Variants in LRP2 observed in about 807,000 individuals in gnomAD.
The protein encoded by LRP2 is low-density lipoprotein receptor-related protein 2.
LRP2 carries 172 observed loss-of-function variants against 531.0 expected under a neutral mutation model. The observed-to-expected ratio is 0.32, with a 90% CI of 0.29 to 0.37. The LOEUF is 0.37. Among genes scored for constraint, LRP2 ranks in the 10% least tolerant of loss-of-function variants. The pLI is 1.00. For synonymous variants in LRP2, 1,992 were observed against 2,027.6 expected, an observed-to-expected ratio of 0.98 and a Z score of 0.47; for missense variants, 5,167 against 5,868.3, an observed-to-expected ratio of 0.88 and a Z score of 3.90.
At chr2:169,136,516 T>A (rs1220628815) in intron 76 of LRP2, among the ~76,000 whole-genome samples, 1 of 152,124 alleles carries the variant, frequency 6.6e-6, no homozygotes, top group Non-Finnish European at 1.5e-5. Context: ...CTGCCTTAAC[T>A]GATGACATTC....
chr2:169,272,189 A>T (rs830993), intron 15 of LRP2, among the ~76,000 whole-genome samples: 128,053 of 152,054 alleles, frequency 0.84, 54,657 homozygotes, highest in East Asian at 0.97. Context: ...GAAAGGAGAA[A>T]TGTAGAAGTG....
At chr2:169,346,769 G>A (rs994189886) in intron 1 of LRP2, among the ~76,000 whole-genome samples, 1 of 152,086 alleles carries the variant, frequency 6.6e-6, no homozygotes, top group African/African-American at 2.4e-5. Flanking sequence ...AAAATCCAAG[G>A]GTCTCTTCTC....
At chr2:169,326,900 C>G (rs1228609530) in intron 1 of LRP2, among the ~76,000 whole-genome samples, 1 of 151,490 alleles carries the variant, frequency 6.6e-6, no homozygotes, top group Non-Finnish European at 1.5e-5. Flanking sequence ...TGCCTCTGCC[C>G]GGCGGCGACC....
Position 169,139,224 on chromosome 2 carries a change from A to G in LRP2, c.13388+27T>C, listed in dbSNP as rs142045675. Reference sequence around the variant, plus strand: ...CATATGAATTTCTTAGGCTTCAAACATCAACGTTCCCCATAATGAAACTGA... The same window carrying G: ...CATATGAATTTCTTAGGCTTCAAACGTCAACGTTCCCCATAATGAAACTGA... On this transcript the variant is annotated intron_variant, in intron 74 of 78. Transcript: ENST00000649046. The G allele has an allele frequency of 1.0e-4, 166 of 1,614,118 alleles. No homozygotes were observed. The African/African-American group carries it at 1.8e-3, about 18-fold the overall frequency.
In LRP2 at chr2:169,128,886, C is replaced by T. The variant is rs190744687; in HGVS notation, c.13801-56G>A. 218 of 1,601,144 alleles carry T rather than the reference C, an allele frequency of 1.4e-4. No homozygotes were observed. In the East Asian group the frequency reaches 4.1e-3, roughly 30 times the overall value. On this transcript the variant is annotated intron_variant, in intron 78 of 78. Coordinates refer to ENST00000649046, the MANE Select transcript of LRP2 (RefSeq NM_004525.3). ...TTTATTCCCCCAAGGTCACCATACA[C>T]GGTTTTTCATAAAGAAGACTATTTG...
At position 169,291,002 on chromosome 2, in the gene LRP2, G is replaced by C. The variant is rs180797349; in HGVS notation, c.770-5C>G. The C allele has an allele frequency of 6.8e-6, 11 of 1,612,862 alleles. No homozygotes were observed. In the African/African-American group the frequency reaches 1.2e-4, roughly 18 times the overall value. ...GAACATCATGAGGACCGCTTTCTGT[G>C]GGGGGAAAAAGAGAGAGTTACAGGC... On this transcript the variant is annotated splice_region_variant and splice_polypyrimidine_tract_variant and intron_variant, in intron 7 of 78. Transcript: ENST00000649046.
chr2:169,136,105 C>T (rs1363973779), intron 76 of LRP2, among the ~76,000 whole-genome samples: 1 of 152,060 alleles, frequency 6.6e-6, no homozygotes, highest in Non-Finnish European at 1.5e-5. Flanking sequence ...TCTCTTATTC[C>T]ATTTACTTTT....
chr2:169,280,430 G>T lies in LRP2; in HGVS notation c.1261C>A (p.Gln421Lys). The T allele has an allele frequency of 6.2e-7, 1 of 1,614,156 alleles. No homozygotes were observed. Among genetic ancestry groups the T allele is most frequent in the South Asian group, 1.1e-5 (1 of 91,086 alleles). ...GRSFRILVES[Q>K]NRGVAVGVAF... is the part of the protein sequence containing the mutation. ...ACACCCACGGCCACTCCACGATTCTGAGACTCCACTAGGATCCGGAAGCTC... is the reference window on the plus strand; with the variant it reads ...ACACCCACGGCCACTCCACGATTCTTAGACTCCACTAGGATCCGGAAGCTC... Residue 421 changes from glutamine to lysine, a missense_variant, in exon 11 of 79, where the codon CAG becomes AAG. Coordinates refer to ENST00000649046, the MANE Select transcript of LRP2 (RefSeq NM_004525.3).
intron 65 of LRP2, among the ~76,000 whole-genome samples, chr2:169,156,042 C>T (rs1339098770): frequency 3.3e-5 from 5 of 151,870 alleles, no homozygotes; most frequent in Non-Finnish European, 7.4e-5. Flanking sequence ...ACACCTGGCT[C>T]TTGTTTTAAT....
chr2:169,267,795 C>CA lies in LRP2; in HGVS notation c.2320+3108dup, dbSNP rs544977420. Reference sequence around the variant, plus strand: ...GGAGATAGAGACACAAAAAACCCTTCAAAAAATCAATGAATCCAGGAGCTG... The same window carrying CA: ...GGAGATAGAGACACAAAAAACCCTTCAAAAAAATCAATGAATCCAGGAGCTG... On this transcript the variant is annotated intron_variant, in intron 16 of 78. Transcript: ENST00000649046. Among the ~76,000 whole-genome samples, 123 of 152,038 alleles carry CA rather than the reference C, an allele frequency of 8.1e-4. 1 individual carries two copies. The East Asian group carries it at 0.017, about 22-fold the overall frequency.
At chr2:169,134,553 C>T (rs1214466310) in intron 76 of LRP2, among the ~76,000 whole-genome samples, 1 of 152,174 alleles carries the variant, frequency 6.6e-6, no homozygotes, top group Non-Finnish European at 1.5e-5. Flanking sequence ...CAGGCCTAAT[C>T]GCCACTCACC....
chr2:169,134,583 A>G (rs936211105), intron 76 of LRP2, among the ~76,000 whole-genome samples: 1 of 152,152 alleles, frequency 6.6e-6, no homozygotes, highest in African/African-American at 2.4e-5. Context: ...AGGCTATGCT[A>G]TAGTATCTTC....
At chr2:169,212,687 G>A (rs999999316) in intron 36 of LRP2, among the ~76,000 whole-genome samples, 15 of 151,102 alleles carry the variant, frequency 9.9e-5, no homozygotes, top group African/African-American at 3.2e-4. Context: ...ACCAAACATC[G>A]CATGTTCTCA....
In LRP2 at chr2:169,185,774, G is replaced by A. The variant is rs761574622; in HGVS notation, c.9574C>T (p.Arg3192Trp). The stretch of plus-strand genomic sequence containing the variant: ...TAGGGTTCGATGTTACTGTTTTGCC[G>A]GCAGGTCTTTCCATCTGGTTCTCGG... ...YLREPDGKTC[R>W]QNSNIEPYLI... Residue 3192 changes from arginine (R) to tryptophan (W), a missense_variant, in exon 50 of 79, where the codon CGG becomes TGG. Around this residue, in one of 6 missense-constraint regions of LRP2, gnomAD observed 1,129 missense variants for 1,362.7 expected, o/e 0.83. Transcript: ENST00000649046. 16 of 1,613,648 alleles carry A rather than the reference G, an allele frequency of 9.9e-6. No homozygotes were observed. The highest frequency in any genetic ancestry group is 2.2e-5 in the South Asian group (2 of 91,024).
At chr2:169,136,616 A>C (rs1685520532) in intron 76 of LRP2, among the ~76,000 whole-genome samples, 1 of 151,088 alleles carries the variant, frequency 6.6e-6, no homozygotes. Flanking sequence ...CTGGCTCAAA[A>C]ACTCCCCCCC....
chr2:169,197,276 T>C (rs1471810215), intron 45 of LRP2, among the ~76,000 whole-genome samples: 3 of 152,140 alleles, frequency 2.0e-5, no homozygotes, highest in East Asian at 3.8e-4. Flanking sequence ...AAAAAAATTG[T>C]ATTTGTTAGA....
intron 3 of LRP2, among the ~76,000 whole-genome samples, chr2:169,312,734 A>T (rs996086939): frequency 6.6e-6 from 1 of 152,128 alleles, no homozygotes; most frequent in African/African-American, 2.4e-5. Flanking sequence ...TATTTCCTGA[A>T]TTTGAGTGTT....
rs138156358 is a variant in LRP2, at chr2:169,246,814, G to A, written c.3081C>T (p.Gly1027=). 357 of 1,614,170 alleles carry A rather than the reference G, an allele frequency of 2.2e-4. 1 individual carries two copies. The African/African-American group carries it at 4.3e-3, about 19-fold the overall frequency. ...CATTTTTACAGGGGAAGGAAAATAA[G>A]CCACACTGCTCTGTGGGTGGTTCAT... ...PTNEPPTEQC[G]LFSFPCKNGR... is the part of the protein sequence containing the mutation. The change falls in exon 21 of 79, where the codon GGC becomes GGT. Residue 1027 remains glycine (G), a synonymous_variant. Coordinates refer to ENST00000649046, the MANE Select transcript of LRP2 (RefSeq NM_004525.3).
At chr2:169,227,247 A>T (rs1400320464) in intron 31 of LRP2, among the ~76,000 whole-genome samples, 1 of 152,220 alleles carries the variant, frequency 6.6e-6, no homozygotes, top group Non-Finnish European at 1.5e-5. Context: ...GGCATAAAAT[A>T]GTTGCCCAAT....
Sources: allele counts gnomAD v4.1 joint callset (sites outside exome capture counted in the v4.1 genomes callset), GRCh38; gene constraint gnomAD v4.1.1; regional missense constraint gnomAD v4.1.1; transcripts MANE v1.5; gene names NCBI Gene and HGNC (gene_info 2026-07-23, HGNC 2026-07-21).